Variants in RSPO1 observed in about 807,000 individuals in gnomAD.
The protein encoded by RSPO1 is R-spondin 1, also known as R-spondin-1.
RSPO1 carries 18 observed loss-of-function variants against 26.0 expected under a neutral mutation model. The ratio of observed to expected loss-of-function variants is 0.69; its 90% CI spans 0.48 to 1.03. RSPO1 has a LOEUF of 1.03. Among genes scored for constraint, RSPO1 ranks in the 50% least tolerant of loss-of-function variants. The pLI is 0.00. For synonymous variants in RSPO1, 133 were observed against 137.4 expected (o/e 0.97, Z 0.22); for missense variants, 309 against 352.3 (o/e 0.88, Z 0.98).
At position 37,632,226 on chromosome 1, in the gene RSPO1, C is replaced by T. The variant is rs115497387; in HGVS notation, c.-289+61G>A. Reference sequence around the variant, plus strand: ...CTTCTTTTTCCTCCCTCTCCTCTCCCTCTAAATTCCTTCTCAATCCTCCCA... The same window carrying T: ...CTTCTTTTTCCTCCCTCTCCTCTCCTTCTAAATTCCTTCTCAATCCTCCCA... On this transcript the variant is annotated intron_variant, in intron 2 of 6. Coordinates refer to ENST00000356545, the MANE Select transcript of RSPO1 (RefSeq NM_001242908.2). 2.9e-3 allele frequency: 447 copies of T among 152,396 alleles called. 3 individuals are homozygous for T. The highest frequency in any genetic ancestry group is 0.01 in the African/African-American group (431 of 41,564). The allele number at this position is 152,396 out of a possible 1,614,324, so 9.4% of individuals were successfully genotyped here. A position where few individuals can be genotyped will look rare whatever the true frequency, so the allele number is the denominator to read the frequency against.
At chr1:37,625,258 A>G (rs997598805) in intron 3 of RSPO1, among the ~76,000 whole-genome samples, 2 of 152,232 alleles carry the variant, frequency 1.3e-5, no homozygotes, top group African/African-American at 4.8e-5. Context: ...CCACAAGGGT[A>G]TAAGGTTGAG....
At position 37,612,164 on chromosome 1, in the gene RSPO1, A is replaced by C. The variant is rs1259784274; in HGVS notation, c.*591T>G. On this transcript the variant is annotated 3_prime_UTR_variant, in exon 7 of 7. Coordinates refer to ENST00000356545, the MANE Select transcript of RSPO1 (RefSeq NM_001242908.2). ...CTGCTGTCGTTGATTTTTTTGTTTT[A>C]ATTTGAAATAAACCTTTAAGCAGTT... 1.3e-5 allele frequency: 2 copies of C among 154,778 alleles called. No homozygotes were observed. Among genetic ancestry groups the C allele is most frequent in the Non-Finnish European group, 2.9e-5 (2 of 69,592 alleles). The allele number at this position is 154,778 out of a possible 1,614,324, so 9.6% of individuals were successfully genotyped here. A position where few individuals can be genotyped will look rare whatever the true frequency, so the allele number is the denominator to read the frequency against.
chr1:37,631,103 C>T (rs999885879), intron 2 of RSPO1, among the ~76,000 whole-genome samples: 1 of 152,106 alleles, frequency 6.6e-6, no homozygotes, highest in African/African-American at 2.4e-5. Flanking sequence ...TAATCCTTTC[C>T]CCTCTAGGCT....
At chr1:37,628,886 C>G (rs1323589445) in intron 3 of RSPO1, among the ~76,000 whole-genome samples, 1 of 152,238 alleles carries the variant, frequency 6.6e-6, no homozygotes, top group African/African-American at 2.4e-5. Flanking sequence ...TATGAGAACC[C>G]TCTCTTCCAA....
intron 3 of RSPO1, among the ~76,000 whole-genome samples, chr1:37,622,813 G>T (rs1043480960): frequency 6.6e-6 from 1 of 152,186 alleles, no homozygotes; most frequent in Non-Finnish European, 1.5e-5. Context: ...AGTTTTGGTG[G>T]AGAGGTGGAG....
chr1:37,633,751 C>T (rs6680858), intron 1 of RSPO1, among the ~76,000 whole-genome samples: 8 of 152,246 alleles, frequency 5.3e-5, no homozygotes, highest in African/African-American at 1.7e-4. Context: ...GCCGTGCCCC[C>T]CCTCCAAAAG....
At chr1:37,632,407 T>C (rs947147167) in intron 1 of RSPO1, 54 bp from the exon 2 acceptor site, 2 of 152,234 alleles carry the variant, frequency 1.3e-5, no homozygotes, top group Non-Finnish European at 2.9e-5. Flanking sequence ...CAAGTGACAC[T>C]GGCCTCCCCC....
At chr1:37,618,513 C>G (rs1313612767) in intron 3 of RSPO1, among the ~76,000 whole-genome samples, 1 of 152,086 alleles carries the variant, frequency 6.6e-6, no homozygotes, top group African/African-American at 2.4e-5. Flanking sequence ...CTCTGGTAGC[C>G]AGGGTGGAGA....
chr1:37,615,009 G>A (rs1404301532), intron 4 of RSPO1, among the ~76,000 whole-genome samples: 1 of 152,142 alleles, frequency 6.6e-6, no homozygotes, highest in Admixed American at 6.5e-5. Flanking sequence ...GGTCTTCCAG[G>A]GCTTGGCTGG....
At chr1:37,614,128 C>CG (rs1644070703) in intron 5 of RSPO1, 56 bp downstream of exon 5, 15 of 1,591,880 alleles carry the variant, frequency 9.4e-6, no homozygotes, top group African/African-American at 1.3e-5. Flanking sequence ...GACCCTTACC[C>CG]GGCCCCTCCT....
At chr1:37,625,225 G>A (rs1644258590) in intron 3 of RSPO1, among the ~76,000 whole-genome samples, 1 of 152,222 alleles carries the variant, frequency 6.6e-6, no homozygotes, top group Non-Finnish European at 1.5e-5. Context: ...CTTCTGAATG[G>A]GAGCTCAGTA....
chr1:37,612,520 G>GTGTA lies in RSPO1; in HGVS notation c.*234_*235insTACA, dbSNP rs1219577538. ...CTCAGGTGTGTGTGTGTGTGTGTGT[G>GTGTA]TATGTGTGTGTGTGGTGTCTGTGTC... On this transcript the variant is annotated 3_prime_UTR_variant, in exon 7 of 7. Transcript: ENST00000356545. The GTGTA allele has an allele frequency of 1.7e-6, 1 of 595,462 alleles. No homozygotes were observed. The highest frequency in any genetic ancestry group is 3.0e-6 in the Non-Finnish European group (1 of 328,570). The allele number at this position is 595,462 out of a possible 1,614,324, so 36.9% of individuals were successfully genotyped here.
intron 3 of RSPO1, among the ~76,000 whole-genome samples, chr1:37,624,085 G>GA (rs1245952196): frequency 6.6e-6 from 1 of 152,112 alleles, no homozygotes; most frequent in Non-Finnish European, 1.5e-5. Flanking sequence ...TCTTGGTGAA[G>GA]AAAGCGACCA....
Position 37,629,856 on chromosome 1 carries a change from G to A in RSPO1, c.-195C>T. 6.4e-7 allele frequency: 1 copy of A among 1,550,910 alleles called. No individual in the cohort carries two copies. The highest frequency in any genetic ancestry group is 8.7e-7 in the Non-Finnish European group (1 of 1,146,930). Reference sequence around the variant, plus strand: ...GCCCAGTTCTCCATCAGCTCAAAGGGAGGTCCTCAAAGAGAGACTTCCTCA... The same window carrying A: ...GCCCAGTTCTCCATCAGCTCAAAGGAAGGTCCTCAAAGAGAGACTTCCTCA... On this transcript the variant is annotated 5_prime_UTR_variant, in exon 3 of 7. Coordinates refer to ENST00000356545, the MANE Select transcript of RSPO1 (RefSeq NM_001242908.2).
At chr1:37,620,028 C>T (rs1644177128) in intron 3 of RSPO1, among the ~76,000 whole-genome samples, 1 of 152,094 alleles carries the variant, frequency 6.6e-6, no homozygotes, top group South Asian at 2.1e-4. Flanking sequence ...AGATTACAGG[C>T]GTGAGCCACC....
chr1:37,634,133 A>G lies in RSPO1; in HGVS notation c.-356+433T>C, dbSNP rs1557443180. Among the ~76,000 whole-genome samples, 1 of 152,150 alleles carries G rather than the reference A, an allele frequency of 6.6e-6. No individual in the cohort carries two copies. The highest frequency in any genetic ancestry group is 2.1e-4 in the South Asian group (1 of 4,826). The stretch of plus-strand genomic sequence containing the variant: ...GGGGCCGCAGCGCATGCCGCCTGCC[A>G]CGTCGAACCCAGGCCCAGGCTGCGG... On this transcript the variant is annotated intron_variant, in intron 1 of 6. Coordinates refer to ENST00000356545, the MANE Select transcript of RSPO1 (RefSeq NM_001242908.2). This position sits in a 1 kb window ranked among gnomAD's most constrained non-coding sequence, Gnocchi z 4.7.
chr1:37,628,732 C>T (rs1644314180), intron 3 of RSPO1, among the ~76,000 whole-genome samples: 1 of 152,220 alleles, frequency 6.6e-6, no homozygotes, highest in African/African-American at 2.4e-5. Context: ...TACCCTTGAC[C>T]TCCATCAAAT....
Position 37,634,483 on chromosome 1 carries a change from C to T in RSPO1, c.-356+83G>A, listed in dbSNP as rs1644409144. The T allele has an allele frequency of 6.6e-6, 1 of 152,496 alleles. No individual in the cohort carries two copies. Among genetic ancestry groups the T allele is most frequent in the South Asian group, 2.1e-4 (1 of 4,842 alleles). 9.4% of individuals were successfully genotyped at this position (152,496 alleles called of 1,614,324 possible). A position where few individuals can be genotyped will look rare whatever the true frequency, so the allele number is the denominator to read the frequency against. On this transcript the variant is annotated intron_variant, in intron 1 of 6. Coordinates refer to ENST00000356545, the MANE Select transcript of RSPO1 (RefSeq NM_001242908.2). This position sits in a 1 kb window ranked among gnomAD's most constrained non-coding sequence, Gnocchi z 4.7. ...CCCCACGCACCCAGCTAGAACCAGCCCCGACGGGAGGGCCCGCCGCGCCCC... is the reference window on the plus strand; with the variant it reads ...CCCCACGCACCCAGCTAGAACCAGCTCCGACGGGAGGGCCCGCCGCGCCCC...
At chr1:37,625,266 G>A (rs983127098) in intron 3 of RSPO1, among the ~76,000 whole-genome samples, 12 of 152,228 alleles carry the variant, frequency 7.9e-5, no homozygotes, top group African/African-American at 2.9e-4. Flanking sequence ...GTATAAGGTT[G>A]AGGATATGGT....
Sources: gnomAD v4.1 joint callset for allele counts (sites outside exome capture counted in the v4.1 genomes callset) on GRCh38, gnomAD v4.1.1 for gene constraint, Gnocchi (gnomAD v3.1) non-coding constraint, MANE v1.5 for transcripts, NCBI Gene and HGNC (gene_info 2026-07-23, HGNC 2026-07-21) for gene names.